The following ADCY9 variants were observed in gnomAD, a reference collection of about 807,000 sequenced individuals.
ADCY9 encodes the protein adenylate cyclase 9, also known as adenylate cyclase type 9.
A neutral mutation model predicts 101.5 loss-of-function variants in ADCY9; 50 were observed. That is an observed-to-expected ratio of 0.49 (90% CI 0.39 to 0.62). The LOEUF is 0.62. ADCY9 is among the 20% of genes least tolerant of loss of function. The pLI, the probability that ADCY9 is intolerant of heterozygous loss-of-function variation, is 0.00. For missense variants in ADCY9, 1,662 were observed against 1,800.4 expected, an observed-to-expected ratio of 0.92 and a Z score of 1.39; for synonymous variants, 905 against 769.3, an observed-to-expected ratio of 1.18 and a Z score of -2.92.
chr16:4,006,119 C>T (rs1033782851), intron 3 of ADCY9, among the ~76,000 whole-genome samples: 4 of 152,214 alleles, frequency 2.6e-5, no homozygotes, highest in Admixed American at 2.6e-4. Context: ...AGGGGTGACT[C>T]TGCACCCCCA....
chr16:4,101,281 A>ATTTTT lies in ADCY9; in HGVS notation c.1693+12464_1693+12468dup, dbSNP rs34733913. Among the ~76,000 whole-genome samples, 17 of 135,510 alleles carry ATTTTT rather than the reference A, an allele frequency of 1.3e-4. 2 individuals carry two copies. Among genetic ancestry groups the ATTTTT allele is most frequent in the South Asian group, 4.7e-4 (2 of 4,292 alleles). The allele number at this position is 135,510 out of a possible 152,430, so 88.9% of individuals were successfully genotyped here. On this transcript the variant is annotated intron_variant, in intron 2 of 10. Transcript: ENST00000294016. ...GTCTAGTACAATATTTGTTCAGGTG[A>ATTTTT]TTTTTTTTTTTTTTTTTGAGACAGA...
intron 2 of ADCY9, among the ~76,000 whole-genome samples, chr16:4,021,143 C>G (rs2141739008): frequency 6.6e-6 from 1 of 152,272 alleles, no homozygotes; most frequent in East Asian, 1.9e-4. Context: ...AACACACACC[C>G]AAGCTCTCTG....
chr16:4,020,384 A>T (rs946217260), intron 2 of ADCY9, among the ~76,000 whole-genome samples: 4 of 152,210 alleles, frequency 2.6e-5, no homozygotes, highest in African/African-American at 9.7e-5. Flanking sequence ...AAGTCATAAG[A>T]ACTACTAAAA....
At chr16:4,079,085 T>C (rs2056886147) in intron 2 of ADCY9, among the ~76,000 whole-genome samples, 1 of 152,192 alleles carries the variant, frequency 6.6e-6, no homozygotes, top group South Asian at 2.1e-4. Flanking sequence ...AATTAAACTA[T>C]GACATACCAT....
chr16:3,980,633 C>T (rs991211401), intron 7 of ADCY9, among the ~76,000 whole-genome samples: 2 of 152,234 alleles, frequency 1.3e-5, no homozygotes, highest in East Asian at 1.9e-4. Context: ...GGCGAGGGAA[C>T]GCTCACTCTC....
In ADCY9 at chr16:4,042,900, T is replaced by C. The variant is rs148602383; in HGVS notation, c.1694-35342A>G. Among the ~76,000 whole-genome samples the C allele has an allele frequency of 8.4e-3, 1,283 of 152,338 alleles. 15 individuals are homozygous for C. Among genetic ancestry groups the C allele is most frequent in the African/African-American group, 0.029 (1,186 of 41,578 alleles). On this transcript the variant is annotated intron_variant, in intron 2 of 10. Coordinates refer to ENST00000294016, the MANE Select transcript of ADCY9 (RefSeq NM_001116.4). Reference sequence around the variant, plus strand: ...ATTTGGGCAAGTTCCTAAACTTCTCTGTGCTTCGTTTCTCCCCTTTGTAAA... The same window carrying C: ...ATTTGGGCAAGTTCCTAAACTTCTCCGTGCTTCGTTTCTCCCCTTTGTAAA...
At chr16:4,050,713 C>CAA (rs5815192) in intron 2 of ADCY9, among the ~76,000 whole-genome samples, 22,093 of 68,376 alleles carry the variant, frequency 0.32, 4,275 homozygotes, top group Middle Eastern at 0.44. Flanking sequence ...AACTCCGTCT[C>CAA]AAAAAAAAAA....
At chr16:3,988,920 AAACT>A in intron 6 of ADCY9, 70 bp downstream of exon 6, 2 of 1,227,088 alleles carry the variant, frequency 1.6e-6, no homozygotes, top group Non-Finnish European at 2.4e-6. Context: ...GTAAAGCACA[AAACT>A]AACAGTGAAT....
At chr16:4,055,807 G>A (rs1228285056) in intron 2 of ADCY9, among the ~76,000 whole-genome samples, 1 of 151,854 alleles carries the variant, frequency 6.6e-6, no homozygotes, top group Non-Finnish European at 1.5e-5. Flanking sequence ...GCACTCCAGC[G>A]TGGGCGACAG....
chr16:4,059,540 A>C (rs1278807914), intron 2 of ADCY9, among the ~76,000 whole-genome samples: 3 of 152,196 alleles, frequency 2.0e-5, no homozygotes, highest in African/African-American at 7.2e-5. Context: ...GTCGGTCAAA[A>C]ACAACCACCA....
At chr16:4,113,613 A>C (rs1379000512) in intron 2 of ADCY9, 137 bp downstream of exon 2, 1 of 1,156,668 alleles carries the variant, frequency 8.6e-7, no homozygotes, top group East Asian at 2.4e-5. Context: ...AGTCACACTG[A>C]CCCTGAGATC....
chr16:4,068,157 A>G (rs905886071), intron 2 of ADCY9, among the ~76,000 whole-genome samples: 1 of 152,154 alleles, frequency 6.6e-6, no homozygotes, highest in African/African-American at 2.4e-5. Flanking sequence ...CTCATATCCC[A>G]CCTGCACCCC....
intron 2 of ADCY9, among the ~76,000 whole-genome samples, chr16:4,038,140 A>T (rs2056601987): frequency 1.3e-5 from 2 of 152,046 alleles, no homozygotes; most frequent in African/African-American, 4.8e-5. Flanking sequence ...AATGAGCCAG[A>T]CGTGGTGGCA....
At chr16:3,960,850 T>C (rs1050617372), downstream of ADCY9, among the ~76,000 whole-genome samples, 7 of 152,224 alleles carry the variant, frequency 4.6e-5, no homozygotes, top group Admixed American at 1.3e-4. Context: ...AGGAACTGTA[T>C]AAAAATAGAC....
At chr16:4,033,653 G>A (rs942724841) in intron 2 of ADCY9, among the ~76,000 whole-genome samples, 6 of 152,064 alleles carry the variant, frequency 3.9e-5, no homozygotes, top group African/African-American at 1.4e-4. Context: ...CTGACCTTGT[G>A]ATCCACCCGC....
At chr16:3,987,879 G>A (rs1198603965) in intron 6 of ADCY9, among the ~76,000 whole-genome samples, 1 of 152,184 alleles carries the variant, frequency 6.6e-6, no homozygotes, top group East Asian at 1.9e-4. Flanking sequence ...AGGAGAGAAT[G>A]CAGTCTGGAA....
Position 3,992,010 on chromosome 16 carries a change from G to T in ADCY9, c.2207+136C>A. On this transcript the variant is annotated intron_variant, in intron 5 of 10. Coordinates refer to ENST00000294016, the MANE Select transcript of ADCY9 (RefSeq NM_001116.4). This position sits in a 1 kb window ranked among gnomAD's most constrained non-coding sequence, Gnocchi z 4.2. ...CGTTTGAACCTGGGAGATAGAGGCT[G>T]CAGTGAGCCAAGATCGCGCCACTGC... is the stretch of plus-strand genomic sequence containing the variant. 1.3e-6 allele frequency: 1 copy of T among 787,318 alleles called. No individual in the cohort carries two copies. The highest frequency in any genetic ancestry group is 2.0e-6 in the Non-Finnish European group (1 of 502,878). The allele number at this position is 787,318 out of a possible 1,614,324, so 48.8% of individuals were successfully genotyped here. A position where few individuals can be genotyped will look rare whatever the true frequency, so the allele number is the denominator to read the frequency against.
intron 2 of ADCY9, among the ~76,000 whole-genome samples, chr16:4,011,959 G>A (rs1276941611): frequency 6.6e-6 from 1 of 152,246 alleles, no homozygotes; most frequent in Non-Finnish European, 1.5e-5. Flanking sequence ...GCAAGCACTC[G>A]ACATTAGCTG....
chr16:3,960,890 A>G (rs182881794), downstream of ADCY9, among the ~76,000 whole-genome samples: 99 of 152,336 alleles, frequency 6.5e-4, no homozygotes, highest in Non-Finnish European at 1.1e-3. Context: ...GTACATGTCC[A>G]TTGCGTGCAA....
Sources: gnomAD v4.1 joint callset for allele counts (sites outside exome capture counted in the v4.1 genomes callset) on GRCh38, gnomAD v4.1.1 for gene constraint, Gnocchi (gnomAD v3.1) non-coding constraint, MANE v1.5 for transcripts, NCBI Gene and HGNC (gene_info 2026-07-23, HGNC 2026-07-21) for gene names.